The following OTOGL variants were observed in gnomAD, a reference collection of about 807,000 sequenced individuals.
OTOGL encodes otogelin like, also known as otogelin-like protein.
Under a neutral mutation model 318.5 loss-of-function variants are expected in OTOGL, and 285 were observed. That is an observed-to-expected ratio of 0.89 (90% CI 0.81 to 0.99). The LOEUF (loss-of-function observed/expected upper bound fraction) is 0.99. Ranked by LOEUF, OTOGL falls within the 50% of genes least tolerant of loss-of-function variation. The probability of loss-of-function intolerance (pLI) is 0.00; values close to 1 mark genes in which losing one functional copy is unlikely to be tolerated. For synonymous variants in OTOGL, 987 were observed against 936.5 expected (o/e 1.05, Z -0.99); for missense variants, 2,899 against 2,845.6 (o/e 1.02, Z -0.43).
chr12:80,158,434 C>G (rs1297409266), intron 1 of OTOGL, among the ~76,000 whole-genome samples: 1 of 151,880 alleles, frequency 6.6e-6, no homozygotes, highest in Non-Finnish European at 1.5e-5. Context: ...ATTGTGTGGT[C>G]ATACAGATTT....
chr12:80,299,675 G>A (rs1208762064), intron 27 of OTOGL, among the ~76,000 whole-genome samples: 2 of 149,062 alleles, frequency 1.3e-5, no homozygotes, highest in African/African-American at 2.4e-5. Flanking sequence ...TTTATCAAAT[G>A]TATAAGATAT....
chr12:80,376,934 A>G (rs1290968329), intron 57 of OTOGL, among the ~76,000 whole-genome samples, 189 bp from the exon 58 acceptor site: 2 of 152,066 alleles, frequency 1.3e-5, no homozygotes, highest in African/African-American at 4.8e-5. Context: ...ATATAAGAAA[A>G]TCTATTTAGA....
intron 13 of OTOGL, 30 bp downstream of exon 13, chr12:80,252,231 C>T: frequency 6.3e-7 from 1 of 1,584,226 alleles, no homozygotes; most frequent in Non-Finnish European, 8.6e-7. Flanking sequence ...ACCATGTCTG[C>T]ACTCATGGAA....
At chr12:80,289,509 C>T (rs1443004031) in intron 26 of OTOGL, among the ~76,000 whole-genome samples, 10 of 152,196 alleles carry the variant, frequency 6.6e-5, no homozygotes, top group East Asian at 3.9e-4. Flanking sequence ...TGACCCTTCC[C>T]GCAGGTGCTC....
chr12:80,110,419 A>T (rs905730871), intron 1 of OTOGL, among the ~76,000 whole-genome samples: 1 of 151,990 alleles, frequency 6.6e-6, no homozygotes, highest in Non-Finnish European at 1.5e-5. Context: ...CCATCACCTG[A>T]AAGGCCCCGG....
chr12:80,311,699 G>A (rs1592694016), intron 30 of OTOGL, among the ~76,000 whole-genome samples: 2 of 152,154 alleles, frequency 1.3e-5, no homozygotes, highest in South Asian at 2.1e-4. Flanking sequence ...GAACCACTGC[G>A]CCCGGCAGAT....
Position 80,302,718 on chromosome 12 carries a change from A to G in OTOGL, c.3148A>G (p.Lys1050Glu), listed in dbSNP as rs961332662. The change falls in exon 28 of 59, where the codon AAA (lysine) becomes GAA (glutamate). Residue 1050 changes from lysine to glutamate, a missense_variant. Around this residue, in one of 3 missense-constraint regions of OTOGL, gnomAD observed 2,607 missense variants for 2,524.9 expected, o/e 1.03. Coordinates refer to ENST00000547103, the MANE Select transcript of OTOGL (RefSeq NM_001378609.3). ...CTATATAGTAGTATACTTTCCAGAG[A>G]AAGATATCACTATTCTTTGGGATAG... ...GYYIVVYFPE[K>E]DITILWDRKT... The G allele has an allele frequency of 6.5e-7, 1 of 1,541,764 alleles. No individual in the cohort carries two copies. Among genetic ancestry groups the G allele is most frequent in the Non-Finnish European group, 8.7e-7 (1 of 1,148,868 alleles).
intron 35 of OTOGL, among the ~76,000 whole-genome samples, chr12:80,328,171 T>G (rs1887821550): frequency 1.3e-5 from 2 of 151,476 alleles, no homozygotes; most frequent in Non-Finnish European, 1.5e-5. Flanking sequence ...TAGAAAAAAT[T>G]AGCCAGGCAT....
intron 44 of OTOGL, among the ~76,000 whole-genome samples, chr12:80,344,094 A>C (rs11608571): frequency 0.085 from 12,880 of 152,192 alleles, 599 homozygotes; most frequent in East Asian, 0.17. Flanking sequence ...TCTTTGTGGA[A>C]CTTCAGTTTT....
intron 1 of OTOGL, among the ~76,000 whole-genome samples, chr12:80,128,823 A>G (rs1410352236): frequency 6.6e-6 from 1 of 152,188 alleles, no homozygotes; most frequent in Non-Finnish European, 1.5e-5. Context: ...CTTCGTAGGC[A>G]TAGGACCCTC....
intron 26 of OTOGL, among the ~76,000 whole-genome samples, chr12:80,291,554 T>C (rs1885044015): frequency 6.6e-6 from 1 of 152,226 alleles, no homozygotes; most frequent in South Asian, 2.1e-4. Context: ...TTCCTAAGCC[T>C]GTCAGAAAGT....
intron 7 of OTOGL, among the ~76,000 whole-genome samples, chr12:80,224,832 G>T (rs555675036): frequency 5.3e-5 from 8 of 152,048 alleles, no homozygotes; most frequent in Admixed American, 1.3e-4. Context: ...CAGAGAAGAA[G>T]CACAACTGGG....
chr12:80,260,529 G>C (rs1414003134), intron 18 of OTOGL, among the ~76,000 whole-genome samples: 2 of 152,130 alleles, frequency 1.3e-5, no homozygotes, highest in Non-Finnish European at 2.9e-5. Context: ...GAGATAACTT[G>C]TGAACAGTGT....
At chr12:80,184,602 G>C (rs1162677373) in intron 1 of OTOGL, among the ~76,000 whole-genome samples, 1 of 152,140 alleles carries the variant, frequency 6.6e-6, no homozygotes, top group Non-Finnish European at 1.5e-5. Context: ...ATTTAGGGGA[G>C]AGAGTAATGA....
At chr12:80,263,187 C>T (rs956935821) in intron 19 of OTOGL, among the ~76,000 whole-genome samples, 2 of 152,028 alleles carry the variant, frequency 1.3e-5, no homozygotes, top group African/African-American at 4.8e-5. Flanking sequence ...TTTTTAGTTT[C>T]ATGAATGACT....
In OTOGL at chr12:80,222,228, C is replaced by A. The variant is rs1346923882; in HGVS notation, c.472C>A (p.Pro158Thr). 5.0e-6 allele frequency: 8 copies of A among 1,596,096 alleles called. No individual in the cohort carries two copies. Among genetic ancestry groups the A allele is most frequent in the Admixed American group, 1.7e-5 (1 of 59,894 alleles). ...TGCAAAGGACTGTGGTGATTTGGAG[C>A]CTCGGTACACTGTATGGGTAGGTGA... is the stretch of plus-strand genomic sequence containing the variant. ...IFAKDCGDLE[P>T]RYTVWVHNSP... Residue 158 changes from proline to threonine, a missense_variant, in exon 7 of 59, where the codon CCT becomes ACT. Physicochemically the swap from Pro to Thr is conservative, Grantham distance 38 (BLOSUM62 -1). Around this residue, in one of 3 missense-constraint regions of OTOGL, gnomAD observed 2,607 missense variants for 2,524.9 expected, o/e 1.03. Coordinates refer to ENST00000547103, the MANE Select transcript of OTOGL (RefSeq NM_001378609.3).
chr12:80,218,434 C>T (rs565589089), intron 5 of OTOGL, among the ~76,000 whole-genome samples: 5 of 152,258 alleles, frequency 3.3e-5, no homozygotes, highest in Admixed American at 1.3e-4. Context: ...TTCTTGCCTT[C>T]GGCAGAACTG....
intron 1 of OTOGL, among the ~76,000 whole-genome samples, chr12:80,102,174 C>T (rs1465492199): frequency 2.0e-5 from 3 of 152,158 alleles, no homozygotes; most frequent in Non-Finnish European, 4.4e-5. Flanking sequence ...TTACTTAACT[C>T]CCTGGGACCC....
intron 42 of OTOGL, among the ~76,000 whole-genome samples, chr12:80,338,544 A>G (rs964052131): frequency 1.2e-4 from 18 of 152,052 alleles, no homozygotes; most frequent in Non-Finnish European, 2.2e-4. Flanking sequence ...ACCTGTATAG[A>G]CTGTATATAT....
Sources: allele counts gnomAD v4.1 joint callset (sites outside exome capture counted in the v4.1 genomes callset), GRCh38; gene constraint gnomAD v4.1.1; regional missense constraint gnomAD v4.1.1; transcripts MANE v1.5; gene names NCBI Gene and HGNC (gene_info 2026-07-23, HGNC 2026-07-21).